Variants in RHBDF2 observed in about 807,000 individuals in gnomAD.
RHBDF2 encodes inactive rhomboid protein 2.
Under a neutral mutation model 95.2 loss-of-function variants are expected in RHBDF2, and 38 were observed. The ratio of observed to expected loss-of-function variants is 0.40; its 90% confidence interval spans 0.31 to 0.52. The LOEUF (loss-of-function observed/expected upper bound fraction) is 0.52. RHBDF2 is among the 20% of genes least tolerant of loss of function. The pLI, the probability that RHBDF2 is intolerant of heterozygous loss-of-function variation, is 0.56. For missense variants in RHBDF2, 863 were observed against 1,137.7 expected (o/e 0.76, Z 3.47); for synonymous variants, 442 against 462.0 (o/e 0.96, Z 0.55).
chr17:76,473,604 G>A (rs948460041), intron 15 of RHBDF2, 44 bp downstream of exon 15: 58 of 1,493,488 alleles, frequency 3.9e-5, no homozygotes, highest in Non-Finnish European at 4.7e-5. Flanking sequence ...GCCGCAGCTC[G>A]GGGGGGCAGT....
chr17:76,485,352 G>A (rs545323084), intron 2 of RHBDF2, among the ~76,000 whole-genome samples: 143 of 150,992 alleles, frequency 9.5e-4, no homozygotes, highest in Non-Finnish European at 1.4e-3. Context: ...TGGAGTTAGC[G>A]GTGAGCCGAA....
intron 1 of RHBDF2, chr17:76,501,021 T>G (rs775418971): frequency 1.2e-4 from 18 of 152,314 alleles, no homozygotes; most frequent in Non-Finnish European, 2.2e-4. Context: ...GTCTCCTCTC[T>G]TCCTCCGGAG....
At chr17:76,501,130 A>G (rs1234784233) in intron 1 of RHBDF2, 1 of 152,234 alleles carries the variant, frequency 6.6e-6, no homozygotes, top group African/African-American at 2.4e-5. Context: ...AGGGGCCAGC[A>G]GACCGGGTCC....
chr17:76,482,334 C>CT (rs1054997971), intron 2 of RHBDF2, among the ~76,000 whole-genome samples: 3 of 151,980 alleles, frequency 2.0e-5, no homozygotes, highest in Non-Finnish European at 4.4e-5. Flanking sequence ...TTTTTCTTGT[C>CT]TTTTTTCTGT....
chr17:76,481,244 C>G, intron 3 of RHBDF2, 131 bp downstream of exon 3: 1 of 1,084,020 alleles, frequency 9.2e-7, no homozygotes, highest in Non-Finnish European at 1.3e-6. Flanking sequence ...GGGCCCGAGT[C>G]AAGGGCTGCA....
chr17:76,479,230 C>G lies in RHBDF2; in HGVS notation c.320G>C (p.Arg107Pro). 6.2e-7 allele frequency: 1 copy of G among 1,609,194 alleles called. No homozygotes were observed. The highest frequency in any genetic ancestry group is 8.5e-7 in the Non-Finnish European group (1 of 1,179,460). The change falls in exon 5 of 19, where the codon CGG becomes CCG. Residue 107 changes from arginine (R) to proline (P), a missense_variant. Transcript: ENST00000675367. ...FGVSGDWEGQRQQWQRRSLHH... is the reference protein window; with the variant it reads ...FGVSGDWEGQPQQWQRRSLHH... ...CAGGCTGCGGCGCTGCCACTGCTGCCGCTGCCCCTCCCAGTCGCCGCTGAC... is the reference window on the plus strand; with the variant it reads ...CAGGCTGCGGCGCTGCCACTGCTGCGGCTGCCCCTCCCAGTCGCCGCTGAC...
At chr17:76,492,673 C>A (rs867702257) in intron 1 of RHBDF2, among the ~76,000 whole-genome samples, 1 of 152,220 alleles carries the variant, frequency 6.6e-6, no homozygotes, top group Non-Finnish European at 1.5e-5. Context: ...TCCCCACCCC[C>A]ACACAAGTGG....
At chr17:76,496,818 G>A (rs1308569741) in intron 1 of RHBDF2, among the ~76,000 whole-genome samples, 2 of 152,170 alleles carry the variant, frequency 1.3e-5, no homozygotes, top group Non-Finnish European at 2.9e-5. Context: ...CTGGAGTGCA[G>A]TAGGGTGATC....
intron 1 of RHBDF2, among the ~76,000 whole-genome samples, chr17:76,496,285 C>T (rs182717708): frequency 3.2e-4 from 48 of 152,322 alleles, no homozygotes; most frequent in African/African-American, 1.0e-3. Context: ...ATCTGAGCCA[C>T]GAGCCCCACA....
intron 5 of RHBDF2, 24 bp from the exon 6 acceptor site, chr17:76,479,033 C>G (rs551512803): frequency 3.7e-6 from 6 of 1,609,564 alleles, no homozygotes; most frequent in Non-Finnish European, 5.1e-6. Context: ...GGGCGGTAAG[C>G]AGAGCCATTA....
At chr17:76,500,995 G>C (rs2074564599) in intron 1 of RHBDF2, 2 of 152,332 alleles carry the variant, frequency 1.3e-5, no homozygotes, top group African/African-American at 4.8e-5. Context: ...GGACGCAGGC[G>C]GGACTGCCCT....
At chr17:76,485,588 C>A (rs904411020) in intron 2 of RHBDF2, among the ~76,000 whole-genome samples, 9 of 152,096 alleles carry the variant, frequency 5.9e-5, no homozygotes, top group Non-Finnish European at 1.2e-4. Flanking sequence ...AGTGAGACTC[C>A]GTCTCAAACA....
intron 1 of RHBDF2, among the ~76,000 whole-genome samples, chr17:76,490,224 C>G (rs1293748744): frequency 6.6e-6 from 1 of 152,218 alleles, no homozygotes; most frequent in African/African-American, 2.4e-5. Flanking sequence ...TTCTTTAAGG[C>G]TAGTCCAGCA....
At chr17:76,496,461 G>T (rs1412924992) in intron 1 of RHBDF2, among the ~76,000 whole-genome samples, 2 of 152,228 alleles carry the variant, frequency 1.3e-5, no homozygotes, top group African/African-American at 4.8e-5. Context: ...GAACTGGTGA[G>T]GGGCAGGAGA....
chr17:76,478,756 G>A (rs2073851003), intron 6 of RHBDF2, 50 bp downstream of exon 6: 1 of 1,508,700 alleles, frequency 6.6e-7, no homozygotes, highest in Non-Finnish European at 9.1e-7. Context: ...GGAGGGGCAA[G>A]GAAGGGAGGC....
At chr17:76,472,948 G>A in intron 17 of RHBDF2, 57 bp downstream of exon 17, 3 of 1,600,454 alleles carry the variant, frequency 1.9e-6, no homozygotes, top group Non-Finnish European at 2.6e-6. Context: ...TTCCCCAGGG[G>A]TCCGGCTGGG....
intron 1 of RHBDF2, among the ~76,000 whole-genome samples, chr17:76,500,219 T>C (rs1567895523): frequency 6.6e-6 from 1 of 152,086 alleles, no homozygotes; most frequent in Non-Finnish European, 1.5e-5. Flanking sequence ...ATGTGGGCTG[T>C]TCCGTGCCCT....
chr17:76,476,448 G>A (rs537194430), intron 9 of RHBDF2: 13 of 189,266 alleles, frequency 6.9e-5, no homozygotes, highest in African/African-American at 2.6e-4. Context: ...TGTGAGCCAC[G>A]GCGCCCAGCC....
At chr17:76,481,087 G>A (rs2073948403) in intron 3 of RHBDF2, among the ~76,000 whole-genome samples, 1 of 152,196 alleles carries the variant, frequency 6.6e-6, no homozygotes, top group Admixed American at 6.5e-5. Context: ...GGCCTAGGGG[G>A]TGAAATGAGA....
Sources: allele counts gnomAD v4.1 joint callset (sites outside exome capture counted in the v4.1 genomes callset), GRCh38; gene constraint gnomAD v4.1.1; transcripts MANE v1.5; gene names NCBI Gene and HGNC (gene_info 2026-07-23, HGNC 2026-07-21).